MAGI2: variants seen among roughly 807,000 people sequenced by gnomAD.
MAGI2 encodes membrane associated guanylate kinase, WW and PDZ domain containing 2.
A neutral mutation model predicts 133.3 loss-of-function variants in MAGI2; 35 were observed. That is an observed-to-expected ratio of 0.26 (90% CI 0.20 to 0.35). The LOEUF (loss-of-function observed/expected upper bound fraction) is 0.35, where lower values mean the gene tolerates loss of function less well. Among genes scored for constraint, MAGI2 ranks in the 10% least tolerant of loss-of-function variants. The pLI is 1.00. For missense variants in MAGI2, 1,636 were observed against 1,863.4 expected, an observed-to-expected ratio of 0.88 and a Z score of 2.25; for synonymous variants, 729 against 710.6, an observed-to-expected ratio of 1.03 and a Z score of -0.41.
intron 15 of MAGI2, among the ~76,000 whole-genome samples, 155 bp from the exon 16 acceptor site, chr7:78,160,428 A>G (rs1029769361): frequency 3.3e-5 from 5 of 152,226 alleles, no homozygotes; most frequent in African/African-American, 1.2e-4. Flanking sequence ...TTGAAAAGCT[A>G]CAGACCTAGG....
chr7:78,770,367 T>C (rs967455058), intron 2 of MAGI2, among the ~76,000 whole-genome samples: 9 of 152,218 alleles, frequency 5.9e-5, no homozygotes, highest in African/African-American at 1.9e-4. Context: ...TGTGTCTTTG[T>C]TGATGGGGTG....
At position 79,304,313 on chromosome 7, in the gene MAGI2, C is replaced by A. The variant is rs541821563; in HGVS notation, c.301+148707G>T. Among the ~76,000 whole-genome samples, 185 of 151,244 alleles carry A rather than the reference C, an allele frequency of 1.2e-3. 1 individual carries two copies. Among genetic ancestry groups the A allele is most frequent in the African/African-American group, 4.2e-3 (175 of 41,186 alleles). On this transcript the variant is annotated intron_variant, in intron 1 of 21. Coordinates refer to ENST00000354212, the MANE Select transcript of MAGI2 (RefSeq NM_012301.4). ...GTATTCAATAATCAAGTCACCAAAT[C>A]ATATACAAAGTGGAAGCTGGGAGAG...
chr7:78,625,763 CT>C (rs1283868317), intron 3 of MAGI2, among the ~76,000 whole-genome samples: 1 of 152,044 alleles, frequency 6.6e-6, no homozygotes, highest in Non-Finnish European at 1.5e-5. Flanking sequence ...TTAACTTAAC[CT>C]TTTCTATGAT....
At chr7:79,011,738 T>G (rs1003869038) in intron 1 of MAGI2, among the ~76,000 whole-genome samples, 2 of 152,178 alleles carry the variant, frequency 1.3e-5, no homozygotes, top group African/African-American at 4.8e-5. Flanking sequence ...CTAATCATCT[T>G]ATTTATTTTT....
intron 6 of MAGI2, among the ~76,000 whole-genome samples, chr7:78,435,729 C>T (rs2151441733): frequency 6.6e-6 from 1 of 152,216 alleles, no homozygotes; most frequent in South Asian, 2.1e-4. Flanking sequence ...ACATTCATCC[C>T]CGGACACATT....
intron 1 of MAGI2, among the ~76,000 whole-genome samples, chr7:79,386,340 C>G (rs1036673387): frequency 6.6e-6 from 1 of 151,916 alleles, no homozygotes; most frequent in African/African-American, 2.4e-5. Context: ...ATATTCCATT[C>G]AGATTCAAAA....
chr7:79,206,410 A>T lies in MAGI2; in HGVS notation c.302-199204T>A, dbSNP rs184397767. Among the ~76,000 whole-genome samples the T allele has an allele frequency of 2.2e-4, 34 of 151,890 alleles. 1 individual carries two copies. Among genetic ancestry groups the T allele is most frequent in the African/African-American group, 8.0e-4 (33 of 41,388 alleles). ...AGACATTACAGCTAATACAACAGAA[A>T]CACAAAGGCTTATGAGATACTATTA... is the stretch of plus-strand genomic sequence containing the variant. On this transcript the variant is annotated intron_variant, in intron 1 of 21. Transcript: ENST00000354212.
At chr7:78,592,117 C>A (rs529258819) in intron 3 of MAGI2, among the ~76,000 whole-genome samples, 1 of 152,176 alleles carries the variant, frequency 6.6e-6, no homozygotes, top group Non-Finnish European at 1.5e-5. Context: ...CCAGACAGAA[C>A]AGTGAACACA....
At chr7:78,877,069 A>G (rs529677221) in intron 2 of MAGI2, among the ~76,000 whole-genome samples, 18 of 152,278 alleles carry the variant, frequency 1.2e-4, no homozygotes, top group Admixed American at 2.6e-4. Flanking sequence ...ACTTTCTGGC[A>G]CTACAAGATG....
At chr7:79,240,757 A>T (rs187801433) in intron 1 of MAGI2, among the ~76,000 whole-genome samples, 1 of 152,170 alleles carries the variant, frequency 6.6e-6, no homozygotes, top group East Asian at 1.9e-4. Flanking sequence ...TCTATTTTAC[A>T]ATTGCATTTT....
chr7:78,720,523 T>A (rs1470413272), intron 2 of MAGI2, among the ~76,000 whole-genome samples: 1 of 151,848 alleles, frequency 6.6e-6, no homozygotes, highest in East Asian at 1.9e-4. Flanking sequence ...AGATATATAA[T>A]TTATAATTTA....
At chr7:79,108,427 G>T (rs1403866754) in intron 1 of MAGI2, among the ~76,000 whole-genome samples, 1 of 152,164 alleles carries the variant, frequency 6.6e-6, no homozygotes, top group African/African-American at 2.4e-5. Context: ...TTCTGGTTTT[G>T]ATAAATTGAT....
chr7:78,266,400 G>T (rs552668935), intron 9 of MAGI2, among the ~76,000 whole-genome samples: 3 of 152,018 alleles, frequency 2.0e-5, no homozygotes, highest in African/African-American at 4.8e-5. Context: ...TGGGAGTTTT[G>T]TCATGTTGCC....
At chr7:78,902,807 C>A (rs1797706320) in intron 2 of MAGI2, among the ~76,000 whole-genome samples, 1 of 152,080 alleles carries the variant, frequency 6.6e-6, no homozygotes, top group African/African-American at 2.4e-5. Context: ...TTCTCCCGGG[C>A]AACCAGCAGA....
intron 2 of MAGI2, among the ~76,000 whole-genome samples, chr7:78,648,058 A>T (rs1364382466): frequency 6.6e-6 from 1 of 152,156 alleles, no homozygotes; most frequent in African/African-American, 2.4e-5. Context: ...TGACAAGTTG[A>T]CATGTGCAGC....
At chr7:78,439,365 G>A (rs556208545) in intron 6 of MAGI2, among the ~76,000 whole-genome samples, 17 of 129,368 alleles carry the variant, frequency 1.3e-4, no homozygotes, top group Non-Finnish European at 2.8e-4. Flanking sequence ...GGTGCCCAGA[G>A]TAATTACAGT....
chr7:78,251,023 A>C (rs1248080937), intron 10 of MAGI2, among the ~76,000 whole-genome samples: 1 of 152,192 alleles, frequency 6.6e-6, no homozygotes, highest in Non-Finnish European at 1.5e-5. Context: ...ACATACAAAA[A>C]GAGTTATATA....
chr7:78,645,111 C>A (rs963922558), intron 2 of MAGI2, among the ~76,000 whole-genome samples: 2 of 148,238 alleles, frequency 1.3e-5, no homozygotes, highest in Non-Finnish European at 3.0e-5. Context: ...TATGTGTGTG[C>A]GTGTGTGTGT....
intron 2 of MAGI2, among the ~76,000 whole-genome samples, chr7:78,668,645 T>C (rs1220754584): frequency 6.6e-6 from 1 of 152,060 alleles, no homozygotes; most frequent in African/African-American, 2.4e-5. Context: ...ATTTATTAAA[T>C]AGAGAATCCT....
Sources: allele counts gnomAD v4.1 joint callset (sites outside exome capture counted in the v4.1 genomes callset), GRCh38; gene constraint gnomAD v4.1.1; transcripts MANE v1.5; gene names NCBI Gene and HGNC (gene_info 2026-07-23, HGNC 2026-07-21).